POC1A: variants seen among roughly 807,000 people sequenced by gnomAD.
POC1A encodes POC1 centriolar protein A.
A neutral mutation model predicts 47.8 loss-of-function variants in POC1A; 34 were observed. The observed-to-expected ratio is 0.71, with a 90% CI of 0.54 to 0.95. The LOEUF is 0.95. Among genes scored for constraint, POC1A ranks in the 40% least tolerant of loss-of-function variants. The pLI, the probability that POC1A is intolerant of heterozygous loss-of-function variation, is 0.00. For missense variants in POC1A, 466 were observed against 528.3 expected (o/e 0.88, Z 1.16); for synonymous variants, 177 against 207.6 (o/e 0.85, Z 1.27).
chr3:52,146,861 G>T, intron 5 of POC1A, 127 bp downstream of exon 5: 1 of 745,760 alleles, frequency 1.3e-6, no homozygotes. Context: ...CACCAGACAA[G>T]GGGCAGCAGT....
chr3:52,081,983 A>C lies in POC1A; in HGVS notation c.1126-5998T>G, dbSNP rs1702310463. Among the ~76,000 whole-genome samples, 4 of 152,142 alleles carry C rather than the reference A, an allele frequency of 2.6e-5. No individual in the cohort carries two copies. In the South Asian group the frequency reaches 8.3e-4, roughly 32 times the overall value. ...GCTCCAAGGCCAAGAACACAAGACAAGGACTGGCCCTGCAGGAGAGGCAGA... is the reference window on the plus strand; with the variant it reads ...GCTCCAAGGCCAAGAACACAAGACACGGACTGGCCCTGCAGGAGAGGCAGA... On this transcript the variant is annotated intron_variant, in intron 10 of 10. Transcript: ENST00000296484.
intron 10 of POC1A, among the ~76,000 whole-genome samples, chr3:52,089,027 G>C (rs1329331198): frequency 6.6e-6 from 1 of 151,494 alleles, no homozygotes; most frequent in Non-Finnish European, 1.5e-5. Context: ...TTTGGAAGGG[G>C]GTGCTTTCTG....
chr3:52,093,085 G>A (rs918615304), intron 10 of POC1A, among the ~76,000 whole-genome samples: 2 of 152,170 alleles, frequency 1.3e-5, no homozygotes, highest in Admixed American at 1.3e-4. Context: ...GTCAGGCCTC[G>A]ACTTTGCCTA....
At chr3:52,150,938 C>T (rs1223666077) in intron 2 of POC1A, 78 bp downstream of exon 2, 4 of 1,318,090 alleles carry the variant, frequency 3.0e-6, no homozygotes, top group East Asian at 2.3e-5. Context: ...CTCTGCTTCC[C>T]ACCCACCACC....
In POC1A at chr3:52,154,354, C is replaced by T; in HGVS notation, c.18+1G>A. On this transcript the variant is annotated splice_donor_variant, in intron 1 of 10. Transcript: ENST00000296484. LOFTEE classifies it high-confidence loss of function. ...GGGGAGTTGCTCTCGGCTGGGCTTA[C>T]CGCGCAGGGCGCAGCCATGGCGGGG... The T allele has an allele frequency of 6.5e-7, 1 of 1,545,944 alleles. No homozygotes were observed. The highest frequency in any genetic ancestry group is 1.4e-5 in the African/African-American group (1 of 70,126).
chr3:52,135,866 C>G (rs1341838062), intron 7 of POC1A, among the ~76,000 whole-genome samples: 3 of 152,182 alleles, frequency 2.0e-5, no homozygotes. Context: ...AGGAATCAGG[C>G]CAGGTTTGTC....
chr3:52,088,658 T>C (rs748615494), intron 10 of POC1A, among the ~76,000 whole-genome samples: 1 of 152,116 alleles, frequency 6.6e-6, no homozygotes, highest in Non-Finnish European at 1.5e-5. Context: ...GCTCCTGTCA[T>C]AACACAGGCC....
chr3:52,093,653 T>G (rs543453640), intron 10 of POC1A, among the ~76,000 whole-genome samples: 7 of 152,364 alleles, frequency 4.6e-5, no homozygotes, highest in African/African-American at 1.7e-4. Flanking sequence ...CCAAGGTCAC[T>G]GAGCTAGGCA....
At chr3:52,085,615 G>A (rs947033423) in intron 10 of POC1A, among the ~76,000 whole-genome samples, 2 of 152,146 alleles carry the variant, frequency 1.3e-5, no homozygotes, top group African/African-American at 4.8e-5. Flanking sequence ...CCCCTCATGG[G>A]TGTGGGCCCT....
intron 7 of POC1A, among the ~76,000 whole-genome samples, chr3:52,131,852 C>T (rs1461047761): frequency 1.3e-5 from 2 of 152,086 alleles, no homozygotes; most frequent in African/African-American, 2.4e-5. Context: ...GGAGAGGAAA[C>T]GCGCGCCTCC....
At chr3:52,099,174 C>A (rs949659005) in intron 9 of POC1A, among the ~76,000 whole-genome samples, 1 of 152,176 alleles carries the variant, frequency 6.6e-6, no homozygotes, top group South Asian at 2.1e-4. Flanking sequence ...TCAGAGCAGG[C>A]CCTCCACAAA....
At chr3:52,123,012 G>T (rs12486725) in intron 8 of POC1A, among the ~76,000 whole-genome samples, 22 of 152,356 alleles carry the variant, frequency 1.4e-4, no homozygotes, top group Admixed American at 1.4e-3. Context: ...CTCCAGGCCA[G>T]AACACTCCTT....
chr3:52,095,556 T>C (rs1702787247), intron 10 of POC1A, among the ~76,000 whole-genome samples: 1 of 151,980 alleles, frequency 6.6e-6, no homozygotes, highest in Admixed American at 6.5e-5. Flanking sequence ...ACACCTCTTT[T>C]CCTCGTGGGC....
chr3:52,079,788 G>C lies in POC1A; in HGVS notation c.1126-3803C>G, dbSNP rs1399750846. Among the ~76,000 whole-genome samples the C allele has an allele frequency of 6.6e-6, 1 of 152,218 alleles. No individual in the cohort carries two copies. The highest frequency in any genetic ancestry group is 2.4e-5 in the African/African-American group (1 of 41,452). On this transcript the variant is annotated intron_variant, in intron 10 of 10. Coordinates refer to ENST00000296484, the MANE Select transcript of POC1A (RefSeq NM_015426.5). The surrounding 1 kb of genome is among the most constrained non-coding windows in gnomAD (Gnocchi z 4.6). ...CAGCCTGGGCAAAGTGGCCAGGAAA[G>C]ATGGCCCATCTCCCAGAACTCCCTC... is the stretch of plus-strand genomic sequence containing the variant.
chr3:52,141,727 G>A (rs922775144), intron 6 of POC1A, among the ~76,000 whole-genome samples: 2 of 152,014 alleles, frequency 1.3e-5, no homozygotes, highest in African/African-American at 4.8e-5. Flanking sequence ...GGTGACTCAC[G>A]CCTGTAATCC....
intron 9 of POC1A, among the ~76,000 whole-genome samples, chr3:52,117,183 G>A (rs2107067808): frequency 6.8e-6 from 1 of 147,812 alleles, no homozygotes; most frequent in South Asian, 2.1e-4. Flanking sequence ...ACAAGACTCT[G>A]TCTCAAAAAA....
chr3:52,131,706 C>A (rs1405671346), intron 7 of POC1A, among the ~76,000 whole-genome samples: 1 of 152,162 alleles, frequency 6.6e-6, no homozygotes, highest in African/African-American at 2.4e-5. Flanking sequence ...CGGGGAGTCT[C>A]CCCAGCCCCC....
intron 9 of POC1A, among the ~76,000 whole-genome samples, chr3:52,100,769 G>A (rs1403661659): frequency 6.6e-6 from 1 of 152,072 alleles, no homozygotes; most frequent in Non-Finnish European, 1.5e-5. Context: ...AAAAAATGGG[G>A]GCAGAACAGT....
At chr3:52,095,700 C>G (rs552329950) in intron 10 of POC1A, among the ~76,000 whole-genome samples, 3 of 152,206 alleles carry the variant, frequency 2.0e-5, no homozygotes, top group Non-Finnish European at 1.5e-5. Context: ...CCTTGCCCCC[C>G]ACCCCAAGAC....
Sources: gnomAD v4.1 joint callset for allele counts (sites outside exome capture counted in the v4.1 genomes callset) on GRCh38, gnomAD v4.1.1 for gene constraint, Gnocchi (gnomAD v3.1) non-coding constraint, MANE v1.5 for transcripts, NCBI Gene and HGNC (gene_info 2026-07-23, HGNC 2026-07-21) for gene names.